The following EYS variants were observed in gnomAD, a reference collection of about 807,000 sequenced individuals.
EYS encodes the protein EGF-like photoreceptor maintenance factor.
A neutral mutation model predicts 282.1 loss-of-function variants in EYS; 250 were observed. The observed-to-expected ratio is 0.89, with a 90% CI of 0.80 to 0.98. The LOEUF (loss-of-function observed/expected upper bound fraction) is 0.98, where lower values mean the gene tolerates loss of function less well. Ranked by LOEUF, EYS falls within the 50% of genes least tolerant of loss-of-function variation. EYS has a pLI of 0.00. For synonymous variants in EYS, 1,355 were observed against 1,282.9 expected (o/e 1.06, Z -1.20); for missense variants, 4,016 against 3,709.0 (o/e 1.08, Z -2.15).
chr6:65,189,087 C>G (rs150742211), intron 12 of EYS, among the ~76,000 whole-genome samples: 1 of 150,856 alleles, frequency 6.6e-6, no homozygotes, highest in African/African-American at 2.4e-5. Context: ...AATGCATATC[C>G]CTTGAAAAGT....
intron 22 of EYS, among the ~76,000 whole-genome samples, chr6:64,684,598 T>C (rs978998964): frequency 6.6e-6 from 1 of 151,654 alleles, no homozygotes; most frequent in South Asian, 2.1e-4. Context: ...AAAAAATATA[T>C]AGAGAGAGAG....
At chr6:64,366,153 G>C (rs1193111130) in intron 29 of EYS, among the ~76,000 whole-genome samples, 1 of 151,964 alleles carries the variant, frequency 6.6e-6, no homozygotes. Flanking sequence ...GAAGTGAAGT[G>C]AAGTTTTCTT....
intron 35 of EYS, among the ~76,000 whole-genome samples, chr6:63,872,069 A>G (rs2149713057): frequency 6.6e-6 from 1 of 152,230 alleles, no homozygotes; most frequent in South Asian, 2.1e-4. Flanking sequence ...CCTGGACCTT[A>G]TAGTGAGTGG....
At chr6:65,381,125 C>T (rs1021003353) in intron 8 of EYS, among the ~76,000 whole-genome samples, 1 of 152,014 alleles carries the variant, frequency 6.6e-6, no homozygotes, top group Non-Finnish European at 1.5e-5. Context: ...AGTATATACC[C>T]AAATGATTAT....
At chr6:65,188,130 T>C (rs558101586) in intron 12 of EYS, among the ~76,000 whole-genome samples, 7 of 151,726 alleles carry the variant, frequency 4.6e-5, no homozygotes, top group African/African-American at 1.7e-4. Context: ...TATACTCATA[T>C]CAATCTTATT....
intron 31 of EYS, among the ~76,000 whole-genome samples, chr6:64,175,935 T>C (rs1764620088): frequency 6.6e-6 from 1 of 152,050 alleles, no homozygotes; most frequent in Non-Finnish European, 1.5e-5. Context: ...AAAAACATAA[T>C]GAATAACTTA....
At chr6:64,949,793 G>A (rs1185131191) in intron 14 of EYS, among the ~76,000 whole-genome samples, 8 of 151,796 alleles carry the variant, frequency 5.3e-5, no homozygotes, top group African/African-American at 9.7e-5. Context: ...ATCTTTCCAA[G>A]TAACCTACTC....
In EYS at chr6:64,525,055, G is replaced by C. The variant is rs145579493; in HGVS notation, c.5644+65168C>G. Among the ~76,000 whole-genome samples, 14 of 151,850 alleles carry C rather than the reference G, an allele frequency of 9.2e-5. No homozygotes were observed. In the East Asian group the frequency reaches 2.7e-3, roughly 29 times the overall value. ...TGCTGGTGAGGTTGTGAAGTAAAGG[G>C]AAACTCATATACTGTTGGTGGGAGT... is the stretch of plus-strand genomic sequence containing the variant. On this transcript the variant is annotated intron_variant, in intron 26 of 42. Transcript: ENST00000503581.
intron 21 of EYS, among the ~76,000 whole-genome samples, chr6:64,821,197 T>C (rs1368653994): frequency 6.6e-6 from 1 of 152,056 alleles, no homozygotes; most frequent in African/African-American, 2.4e-5. Context: ...TTAAAGGTGT[T>C]GCCCACGTCT....
chr6:65,036,360 C>A (rs886639874), intron 13 of EYS, among the ~76,000 whole-genome samples: 1 of 151,744 alleles, frequency 6.6e-6, no homozygotes, highest in African/African-American at 2.4e-5. Flanking sequence ...AAATGTATCA[C>A]CTAAAACTAT....
intron 26 of EYS, among the ~76,000 whole-genome samples, chr6:64,466,726 A>T (rs2150489239): frequency 6.6e-6 from 1 of 152,234 alleles, no homozygotes; most frequent in South Asian, 2.1e-4. Context: ...TGAAAATTGC[A>T]AAGAGTGTAC....
chr6:64,904,047 A>G (rs1233008750), intron 16 of EYS, among the ~76,000 whole-genome samples: 1 of 152,176 alleles, frequency 6.6e-6, no homozygotes, highest in East Asian at 1.9e-4. Flanking sequence ...AAAAACGCCA[A>G]TTTAAAGGTA....
chr6:64,345,580 C>A (rs560913991), intron 29 of EYS, among the ~76,000 whole-genome samples: 13 of 151,948 alleles, frequency 8.6e-5, no homozygotes, highest in African/African-American at 2.4e-4. Flanking sequence ...AAAGGTTAGA[C>A]CTAAAACCAT....
chr6:64,743,032 T>C (rs142081228), intron 22 of EYS, among the ~76,000 whole-genome samples: 1 of 152,272 alleles, frequency 6.6e-6, no homozygotes, highest in African/African-American at 2.4e-5. Flanking sequence ...TAAGATTTAC[T>C]TCTTTGTCTG....
intron 28 of EYS, among the ~76,000 whole-genome samples, chr6:64,428,020 A>G (rs1232704333): frequency 6.6e-6 from 1 of 152,132 alleles, no homozygotes; most frequent in Non-Finnish European, 1.5e-5. Flanking sequence ...GTGATCTACA[A>G]GAAACATTTT....
intron 13 of EYS, among the ~76,000 whole-genome samples, chr6:65,029,563 T>C (rs1447267286): frequency 6.6e-6 from 1 of 152,024 alleles, no homozygotes; most frequent in African/African-American, 2.4e-5. Context: ...CCCCTTCTAA[T>C]TCCTTGACCT....
intron 35 of EYS, among the ~76,000 whole-genome samples, chr6:63,865,154 G>T (rs1339453479): frequency 6.6e-6 from 1 of 152,192 alleles, no homozygotes; most frequent in African/African-American, 2.4e-5. Context: ...TGACACGCTA[G>T]GCCAACTGGC....
chr6:64,802,023 C>CTTTTTTTTTTTTTTTTTTTTT lies in EYS; in HGVS notation c.3443+11354_3443+11355insAAAAAAAAAAAAAAAAAAAAA, dbSNP rs1199002175. On this transcript the variant is annotated intron_variant, in intron 22 of 42. Coordinates refer to ENST00000503581, the MANE Select transcript of EYS (RefSeq NM_001142800.2). Reference sequence around the variant, plus strand: ...AGAGAGTTATAACAAATTTCTTTTTCTTTTTTTTTCTTTTTTTTTTTTTTT... The same window carrying CTTTTTTTTTTTTTTTTTTTTT: ...AGAGAGTTATAACAAATTTCTTTTTCTTTTTTTTTTTTTTTTTTTTTTTTTTTTTTCTTTTTTTTTTTTTTT... 9.9e-5 allele frequency among the ~76,000 whole-genome samples: 7 copies of CTTTTTTTTTTTTTTTTTTTTT among 70,780 alleles called. 3 individuals are homozygous for CTTTTTTTTTTTTTTTTTTTTT. Among genetic ancestry groups the CTTTTTTTTTTTTTTTTTTTTT allele is most frequent in the Non-Finnish European group, 8.1e-5 (3 of 37,032 alleles). 46.4% of individuals were successfully genotyped at this position (70,780 alleles called of 152,430 possible).
chr6:63,849,991 T>A (rs1772203899), intron 36 of EYS, among the ~76,000 whole-genome samples: 1 of 152,168 alleles, frequency 6.6e-6, no homozygotes, highest in Non-Finnish European at 1.5e-5. Flanking sequence ...AATGATCTGA[T>A]GGAGCTGAAA....
Sources: gnomAD v4.1 joint callset for allele counts (sites outside exome capture counted in the v4.1 genomes callset) on GRCh38, gnomAD v4.1.1 for gene constraint, MANE v1.5 for transcripts, NCBI Gene and HGNC (gene_info 2026-07-23, HGNC 2026-07-21) for gene names.